Variants in OLFM4 observed in about 807,000 individuals in gnomAD.
OLFM4 encodes olfactomedin 4.
A neutral mutation model predicts 25.5 loss-of-function variants in OLFM4; 22 were observed. The observed-to-expected ratio is 0.86, with a 90% CI of 0.62 to 1.23. The LOEUF is 1.23. Among genes scored for constraint, OLFM4 ranks in the 50% most tolerant of loss-of-function variants. The pLI is 0.00. For missense variants in OLFM4, 594 were observed against 619.4 expected (o/e 0.96, Z 0.44); for synonymous variants, 255 against 237.7 (o/e 1.07, Z -0.67).
At chr13:53,040,531 G>A (rs1248113277) in intron 2 of OLFM4, among the ~76,000 whole-genome samples, 1 of 152,218 alleles carries the variant, frequency 6.6e-6, no homozygotes, top group East Asian at 1.9e-4. Flanking sequence ...TAGATGTAGA[G>A]CCATGTTTCT....
intron 2 of OLFM4, among the ~76,000 whole-genome samples, chr13:53,037,010 G>T (rs1954662360): frequency 6.6e-6 from 1 of 152,176 alleles, no homozygotes; most frequent in Non-Finnish European, 1.5e-5. Flanking sequence ...CAAATCCAAA[G>T]TTATCCCTTT....
chr13:53,029,442 G>C (rs1353072525), intron 1 of OLFM4, among the ~76,000 whole-genome samples: 1 of 152,170 alleles, frequency 6.6e-6, no homozygotes, highest in African/African-American at 2.4e-5. Flanking sequence ...TCCAAGATGG[G>C]AACTGTTAGG....
rs9596754 is a variant in OLFM4, at chr13:53,034,371, C to G, written c.228C>G (p.Ser76=). 1 of 1,613,268 alleles carries G rather than the reference C, an allele frequency of 6.2e-7. No homozygotes were observed. Among genetic ancestry groups the G allele is most frequent in the Non-Finnish European group, 8.5e-7 (1 of 1,179,794 alleles). The change falls in exon 2 of 5, where the codon TCC becomes TCG. Residue 76 remains serine, a synonymous_variant. Coordinates refer to ENST00000219022, the MANE Select transcript of OLFM4 (RefSeq NM_006418.5). ...AGTTGTTTTCCAATTTCACCGGCTC[C>G]GTGGATGACCGTGGGACCTGCCAGT... ...VSQLFSNFTG[S]VDDRGTCQCS...
At chr13:53,044,250 T>C (rs928555259) in intron 4 of OLFM4, among the ~76,000 whole-genome samples, 2 of 152,180 alleles carry the variant, frequency 1.3e-5, no homozygotes, top group African/African-American at 4.8e-5. Context: ...TACTGTGCCC[T>C]GCAATGCATT....
At chr13:53,034,707 A>T (rs2298233) in intron 2 of OLFM4, among the ~76,000 whole-genome samples, 2 of 151,958 alleles carry the variant, frequency 1.3e-5, no homozygotes, top group South Asian at 4.2e-4. Flanking sequence ...GTGGGGTTCA[A>T]ATTGTTCACG....
chr13:53,029,385 A>G (rs760298341), intron 1 of OLFM4, among the ~76,000 whole-genome samples: 30 of 152,148 alleles, frequency 2.0e-4, no homozygotes, highest in Admixed American at 1.0e-3. Flanking sequence ...GATGTATACA[A>G]ATCAAATATT....
intron 4 of OLFM4, 25 bp from the exon 5 acceptor site, chr13:53,049,944 C>G (rs769353742): frequency 1.3e-6 from 2 of 1,556,816 alleles, no homozygotes; most frequent in South Asian, 1.2e-5. Flanking sequence ...TCTAAAAATG[C>G]CTTTTTATTT....
rs140154469 is a variant in OLFM4, at chr13:53,037,195, G to C, written c.357+2695G>C. On this transcript the variant is annotated intron_variant, in intron 2 of 4. Transcript: ENST00000219022. ...TGTCAGTACACAGAGAAGACAGGGA[G>C]CTGCCTCTGCATAAGATGCTGAAAG... 5.7e-3 allele frequency among the ~76,000 whole-genome samples: 875 copies of C among 152,334 alleles called. 7 individuals are homozygous for C. Among genetic ancestry groups the C allele is most frequent in the South Asian group, 0.02 (98 of 4,826 alleles).
At chr13:53,035,495 C>T (rs1265957107) in intron 2 of OLFM4, among the ~76,000 whole-genome samples, 1 of 152,152 alleles carries the variant, frequency 6.6e-6, no homozygotes, top group African/African-American at 2.4e-5. Flanking sequence ...TTAAAATGTA[C>T]AATGAAATTA....
intron 4 of OLFM4, among the ~76,000 whole-genome samples, chr13:53,049,447 G>A (rs1420378841): frequency 2.0e-5 from 3 of 152,096 alleles, no homozygotes; most frequent in Admixed American, 6.5e-5. Flanking sequence ...GGGAGAGTGA[G>A]GAAGGGCATG....
intron 2 of OLFM4, among the ~76,000 whole-genome samples, chr13:53,037,602 A>G (rs1429529163): frequency 4.6e-5 from 7 of 152,184 alleles, no homozygotes; most frequent in Non-Finnish European, 8.8e-5. Flanking sequence ...TAAGCTCAGT[A>G]TCATTACCCC....
At chr13:53,042,226 A>G (rs1048590207) in intron 3 of OLFM4, 104 bp downstream of exon 3, 3 of 953,568 alleles carry the variant, frequency 3.1e-6, no homozygotes, top group Non-Finnish European at 4.8e-6. Context: ...CCAACTTCTA[A>G]TTCTCTACTG....
rs752978173 is a variant in OLFM4 at position 53,050,708 on chromosome 13, T to G, written c.1470T>G (p.Leu490=). 10 of 1,613,318 alleles carry G rather than the reference T, an allele frequency of 6.2e-6. No homozygotes were observed. The Admixed American group carries it at 1.7e-4, about 27-fold the overall frequency. Residue 490 remains leucine (L), a synonymous_variant, in exon 5 of 5, where the codon CTT becomes CTG. Coordinates refer to ENST00000219022, the MANE Select transcript of OLFM4 (RefSeq NM_006418.5). ...SINYNPFDQK[L]YVYNDGYLLN... ...ACTATAACCCTTTTGACCAGAAACT[T>G]TATGTCTATAACGATGGTTACCTTC...
chr13:53,044,870 A>G (rs1954707397), intron 4 of OLFM4, among the ~76,000 whole-genome samples: 1 of 152,144 alleles, frequency 6.6e-6, no homozygotes, highest in East Asian at 1.9e-4. Flanking sequence ...ATAATCCCTG[A>G]ACGAGCTCCC....
In OLFM4 at chr13:53,050,309, G is replaced by A. The variant is rs141366865; in HGVS notation, c.1071G>A (p.Thr357=). 4 of 1,614,018 alleles carry A rather than the reference G, an allele frequency of 2.5e-6. No individual in the cohort carries two copies. Among genetic ancestry groups the A allele is most frequent in the Non-Finnish European group, 3.4e-6 (4 of 1,179,962 alleles). ...CCAGAGTTAACCTGACCACCAACACGATTGCTGTGACTCAAACTCTCCCTA... is the reference window on the plus strand; with the variant it reads ...CCAGAGTTAACCTGACCACCAACACAATTGCTGTGACTCAAACTCTCCCTA... ...NIARVNLTTN[T]IAVTQTLPNA... Residue 357 remains threonine, a synonymous_variant, in exon 5 of 5, where the codon ACG becomes ACA. Transcript: ENST00000219022.
chr13:53,043,028 G>A, intron 3 of OLFM4, 77 bp from the exon 4 acceptor site: 1 of 1,153,348 alleles, frequency 8.7e-7, no homozygotes, highest in Non-Finnish European at 1.2e-6. Context: ...TTCACTAAAT[G>A]ACAAATTCAG....
chr13:53,050,368 A>T lies in OLFM4; in HGVS notation c.1130A>T (p.Asn377Ile). The change falls in exon 5 of 5, where the codon AAT (asparagine) becomes ATT (isoleucine). Residue 377 changes from asparagine (N) to isoleucine (I), a missense_variant. By Grantham distance (149) the Asn-to-Ile change is moderately radical. Transcript: ENST00000219022. Reference sequence around the variant, plus strand: ...TATAATAACCGCTTTTCATATGCTAATGTTGCTTGGCAAGATATTGACTTT... The same window carrying T: ...TATAATAACCGCTTTTCATATGCTATTGTTGCTTGGCAAGATATTGACTTT... ...AAYNNRFSYA[N>I]VAWQDIDFAV... 1 of 1,614,046 alleles carries T rather than the reference A, an allele frequency of 6.2e-7. No individual in the cohort carries two copies. The highest frequency in any genetic ancestry group is 8.5e-7 in the Non-Finnish European group (1 of 1,179,964).
At chr13:53,049,221 G>T (rs544184834) in intron 4 of OLFM4, among the ~76,000 whole-genome samples, 1 of 152,182 alleles carries the variant, frequency 6.6e-6, no homozygotes. Context: ...GCAGCAGGAC[G>T]GTCAGCAAGT....
At chr13:53,031,573 C>T (rs940585261) in intron 1 of OLFM4, among the ~76,000 whole-genome samples, 3 of 152,172 alleles carry the variant, frequency 2.0e-5, no homozygotes, top group Non-Finnish European at 4.4e-5. Context: ...ATGCTCACTC[C>T]ACAGAGTAAC....
Sources: allele counts gnomAD v4.1 joint callset (sites outside exome capture counted in the v4.1 genomes callset), GRCh38; gene constraint gnomAD v4.1.1; transcripts MANE v1.5; gene names NCBI Gene and HGNC (gene_info 2026-07-23, HGNC 2026-07-21).